DPP10: variants seen among roughly 807,000 people sequenced by gnomAD.
The protein encoded by DPP10 is dipeptidyl peptidase like 10.
DPP10 carries 33 observed loss-of-function variants against 120.9 expected under a neutral mutation model. That is an observed-to-expected ratio of 0.27 (90% CI 0.21 to 0.37). The LOEUF is 0.37. Ranked by LOEUF, DPP10 falls within the 10% of genes least tolerant of loss-of-function variation. The probability of loss-of-function intolerance (pLI) is 1.00; values close to 1 mark genes in which losing one functional copy is unlikely to be tolerated. For synonymous variants in DPP10, 337 were observed against 326.1 expected (o/e 1.03, Z -0.36); for missense variants, 816 against 942.8 (o/e 0.87, Z 1.76).
intron 1 of DPP10, among the ~76,000 whole-genome samples, chr2:114,789,628 C>CT (rs2106231536): frequency 1.3e-5 from 2 of 152,274 alleles, no homozygotes; most frequent in Non-Finnish European, 2.9e-5. Flanking sequence ...TTAGAAGATA[C>CT]TATTTGCAGA....
intron 7 of DPP10, among the ~76,000 whole-genome samples, chr2:115,722,209 C>T (rs1478116243): frequency 6.6e-6 from 1 of 151,938 alleles, no homozygotes. Flanking sequence ...AATGATAATT[C>T]ATTGTACGCT....
chr2:115,489,354 G>A (rs1229439457), intron 3 of DPP10, among the ~76,000 whole-genome samples: 2 of 151,684 alleles, frequency 1.3e-5, no homozygotes, highest in African/African-American at 4.8e-5. Context: ...AGACCAAACA[G>A]ACTCTCTCTT....
At chr2:115,510,898 A>G (rs1360317718) in intron 4 of DPP10, among the ~76,000 whole-genome samples, 1 of 152,156 alleles carries the variant, frequency 6.6e-6, no homozygotes, top group Non-Finnish European at 1.5e-5. Context: ...TTTTGTGGCC[A>G]TTATAAATAG....
At chr2:115,425,732 A>G (rs1274112262) in intron 3 of DPP10, among the ~76,000 whole-genome samples, 1 of 152,208 alleles carries the variant, frequency 6.6e-6, no homozygotes, top group Non-Finnish European at 1.5e-5. Flanking sequence ...CTATAAAGAA[A>G]TACCTGAGAC....
intron 1 of DPP10, among the ~76,000 whole-genome samples, chr2:114,610,041 G>T (rs567446533): frequency 6.6e-6 from 1 of 152,156 alleles, no homozygotes; most frequent in Non-Finnish European, 1.5e-5. Flanking sequence ...TCTGTTTCAC[G>T]CTTGCCTCGT....
chr2:115,361,794 C>G (rs561782086), intron 3 of DPP10, among the ~76,000 whole-genome samples: 8 of 152,056 alleles, frequency 5.3e-5, no homozygotes, highest in Admixed American at 2.6e-4. Flanking sequence ...GTTTGTGTTG[C>G]CTCTCTGTGG....
At chr2:114,748,338 C>CTTTTTTTTT (rs1255227047) in intron 1 of DPP10, among the ~76,000 whole-genome samples, 2 of 70,292 alleles carry the variant, frequency 2.8e-5, no homozygotes, top group African/African-American at 1.3e-4. Context: ...AGGGAATTTT[C>CTTTTTTTTT]TTTTTTTTTT....
At chr2:115,459,800 T>C (rs1167947593) in intron 3 of DPP10, among the ~76,000 whole-genome samples, 1 of 151,774 alleles carries the variant, frequency 6.6e-6, no homozygotes, top group African/African-American at 2.4e-5. Flanking sequence ...TGACTGGAAT[T>C]ATTTCTAACT....
At chr2:115,684,855 A>G (rs1373573289) in intron 5 of DPP10, among the ~76,000 whole-genome samples, 9 of 151,948 alleles carry the variant, frequency 5.9e-5, no homozygotes, top group Non-Finnish European at 4.4e-5. Flanking sequence ...CCAAAATGAA[A>G]TCTCTCTTAA....
At chr2:115,143,148 G>A (rs1285231466) in intron 1 of DPP10, among the ~76,000 whole-genome samples, 1 of 152,182 alleles carries the variant, frequency 6.6e-6, no homozygotes, top group Non-Finnish European at 1.5e-5. Context: ...CTGGTTCTAG[G>A]AGGGACAGTA....
rs1280229456 is a variant in DPP10, at chr2:114,442,744, C to T, written c.-35C>T. On this transcript the variant is annotated 5_prime_UTR_variant, in exon 1 of 26. Transcript: ENST00000410059. Reference sequence around the variant, plus strand: ...TGATCTCTAGTTCATTCTGGAACTCCGCCTGGGATTGTGCACTGTCCAGGG... The same window carrying T: ...TGATCTCTAGTTCATTCTGGAACTCTGCCTGGGATTGTGCACTGTCCAGGG... 1.2e-6 allele frequency: 2 copies of T among 1,612,094 alleles called. No homozygotes were observed. Among genetic ancestry groups the T allele is most frequent in the East Asian group, 2.2e-5 (1 of 44,726 alleles).
chr2:114,933,377 C>T (rs1357564695), intron 1 of DPP10, among the ~76,000 whole-genome samples: 1 of 152,130 alleles, frequency 6.6e-6, no homozygotes, highest in Non-Finnish European at 1.5e-5. Flanking sequence ...TCTTCAACAC[C>T]TCAGCAGCTA....
chr2:114,863,136 A>C (rs1383383313), intron 1 of DPP10, among the ~76,000 whole-genome samples: 1 of 152,180 alleles, frequency 6.6e-6, no homozygotes, highest in Non-Finnish European at 1.5e-5. Context: ...TTCTAGGTTA[A>C]CTAGGAGTTC....
chr2:115,600,599 C>T (rs1400825151), intron 5 of DPP10, among the ~76,000 whole-genome samples: 2 of 152,166 alleles, frequency 1.3e-5, no homozygotes, highest in African/African-American at 2.4e-5. Flanking sequence ...GCCTCTAAAG[C>T]GTAGCTCATT....
At chr2:114,615,172 T>G (rs1693585467) in intron 1 of DPP10, among the ~76,000 whole-genome samples, 1 of 152,166 alleles carries the variant, frequency 6.6e-6, no homozygotes, top group Non-Finnish European at 1.5e-5. Context: ...TTTTGTTTGC[T>G]GTTTTATTTT....
At chr2:115,836,314 C>T in intron 22 of DPP10, 58 bp downstream of exon 22, 1 of 1,508,556 alleles carries the variant, frequency 6.6e-7, no homozygotes, top group Non-Finnish European at 9.0e-7. Flanking sequence ...AAAACGAAAG[C>T]CCAATTTAGA....
intron 1 of DPP10, among the ~76,000 whole-genome samples, chr2:115,173,019 C>A (rs2053464025): frequency 6.6e-6 from 1 of 152,184 alleles, no homozygotes; most frequent in South Asian, 2.1e-4. Flanking sequence ...TATTTCTTAT[C>A]ACGCAGAGAA....
chr2:115,526,976 G>A (rs2078168930), intron 5 of DPP10, among the ~76,000 whole-genome samples: 1 of 151,910 alleles, frequency 6.6e-6, no homozygotes, highest in Non-Finnish European at 1.5e-5. Flanking sequence ...TATTCATTGG[G>A]ATTTTGTAAG....
intron 5 of DPP10, among the ~76,000 whole-genome samples, chr2:115,612,296 G>T (rs943581617): frequency 4.6e-5 from 7 of 152,088 alleles, no homozygotes; most frequent in Non-Finnish European, 7.4e-5. Flanking sequence ...ATTTCTCCTG[G>T]ACAAAAGATG....
Sources: allele counts gnomAD v4.1 joint callset (sites outside exome capture counted in the v4.1 genomes callset), GRCh38; gene constraint gnomAD v4.1.1; transcripts MANE v1.5; gene names NCBI Gene and HGNC (gene_info 2026-07-23, HGNC 2026-07-21).